ROBO2: variants seen among roughly 807,000 people sequenced by gnomAD.
The protein encoded by ROBO2 is roundabout homolog 2.
ROBO2 carries 53 observed loss-of-function variants against 160.8 expected under a neutral mutation model. The observed-to-expected ratio is 0.33, with a 90% confidence interval of 0.26 to 0.41. ROBO2 has a LOEUF of 0.41. Ranked by LOEUF, ROBO2 falls within the 10% of genes least tolerant of loss-of-function variation. ROBO2 has a pLI of 1.00. For synonymous variants in ROBO2, 664 were observed against 611.7 expected (o/e 1.09, Z -1.26); for missense variants, 1,577 against 1,722.4 (o/e 0.92, Z 1.49).
chr3:77,510,508 G>A (rs2089257626), intron 5 of ROBO2, among the ~76,000 whole-genome samples: 1 of 152,014 alleles, frequency 6.6e-6, no homozygotes, highest in Non-Finnish European at 1.5e-5. Flanking sequence ...AAGAGAGATG[G>A]AGACAATAAT....
intron 2 of ROBO2, among the ~76,000 whole-genome samples, chr3:75,977,589 T>C (rs2065165088): frequency 6.6e-6 from 1 of 151,506 alleles, no homozygotes; most frequent in African/African-American, 2.4e-5. Context: ...TCTTAAAATA[T>C]AAGGATATGA....
chr3:76,274,454 T>G (rs186478421), intron 2 of ROBO2, among the ~76,000 whole-genome samples: 57 of 152,260 alleles, frequency 3.7e-4, no homozygotes, highest in Admixed American at 7.9e-4. Flanking sequence ...TGCTGTGTAG[T>G]TTATAAACTA....
intron 2 of ROBO2, among the ~76,000 whole-genome samples, chr3:77,126,444 G>A (rs960983251): frequency 2.6e-5 from 4 of 152,008 alleles, no homozygotes; most frequent in Non-Finnish European, 5.9e-5. Flanking sequence ...CCAAATACTG[G>A]ATTAAAAAGA....
intron 2 of ROBO2, among the ~76,000 whole-genome samples, chr3:76,446,949 C>T (rs2077213790): frequency 6.6e-6 from 1 of 152,116 alleles, no homozygotes; most frequent in South Asian, 2.1e-4. Flanking sequence ...TAGAAGAAAA[C>T]CTAGGCAATA....
intron 2 of ROBO2, among the ~76,000 whole-genome samples, chr3:77,099,076 T>C (rs2071535638): frequency 7.7e-6 from 1 of 129,472 alleles, no homozygotes; most frequent in Non-Finnish European, 1.7e-5. Context: ...TCTTTCTTTT[T>C]TTTTTTTTTT....
intron 2 of ROBO2, among the ~76,000 whole-genome samples, chr3:76,272,914 T>TAAATATATAATATATATTTATATA (rs1559706244): frequency 1.9e-3 from 36 of 19,046 alleles, no homozygotes; most frequent in Admixed American, 5.6e-3. Flanking sequence ...TATTTATATA[T>TAAATATATAATATATATTTATATA]AAAATATATA....
intron 2 of ROBO2, among the ~76,000 whole-genome samples, chr3:76,520,920 C>T (rs1259590591): frequency 6.6e-6 from 1 of 151,962 alleles, no homozygotes; most frequent in African/African-American, 2.4e-5. Flanking sequence ...AGAGTGAGTT[C>T]CCAGTATACT....
chr3:76,604,079 A>G (rs2087453101), intron 2 of ROBO2, among the ~76,000 whole-genome samples: 2 of 152,170 alleles, frequency 1.3e-5, no homozygotes, highest in African/African-American at 4.8e-5. Context: ...ATGAGTAGAT[A>G]CTAAGTTCTG....
At chr3:77,518,561 A>G (rs2090265452) in intron 5 of ROBO2, among the ~76,000 whole-genome samples, 1 of 151,364 alleles carries the variant, frequency 6.6e-6, no homozygotes, top group Non-Finnish European at 1.5e-5. Flanking sequence ...GGCCCTGGGA[A>G]ATGTGTGTTA....
At chr3:76,395,236 T>C (rs1326479313) in intron 2 of ROBO2, among the ~76,000 whole-genome samples, 11 of 149,790 alleles carry the variant, frequency 7.3e-5, no homozygotes, top group Admixed American at 4.7e-4. Context: ...ACTGGGTACA[T>C]AACGAAATGA....
At chr3:77,644,357 C>A (rs999839213) in intron 24 of ROBO2, among the ~76,000 whole-genome samples, 3 of 152,146 alleles carry the variant, frequency 2.0e-5, no homozygotes, top group Admixed American at 6.5e-5. Flanking sequence ...AAATTGGAGC[C>A]TCATTGAACT....
At chr3:76,407,112 T>G (rs1309800067) in intron 2 of ROBO2, among the ~76,000 whole-genome samples, 1 of 151,786 alleles carries the variant, frequency 6.6e-6, no homozygotes, top group Non-Finnish European at 1.5e-5. Context: ...AGTAGGATTT[T>G]GCTCTAGCAA....
At chr3:76,059,830 G>T (rs2068005492) in intron 2 of ROBO2, among the ~76,000 whole-genome samples, 1 of 152,130 alleles carries the variant, frequency 6.6e-6, no homozygotes, top group Non-Finnish European at 1.5e-5. Context: ...TTTTGTATAA[G>T]GTGTGAGGAA....
chr3:76,346,333 C>T (rs1237985494), intron 2 of ROBO2, among the ~76,000 whole-genome samples: 1 of 151,702 alleles, frequency 6.6e-6, no homozygotes, highest in Non-Finnish European at 1.5e-5. Flanking sequence ...CTGCAAGCTC[C>T]GCCTGGCAAC....
intron 2 of ROBO2, among the ~76,000 whole-genome samples, chr3:77,447,378 C>A (rs952800282): frequency 6.6e-6 from 1 of 152,016 alleles, no homozygotes; most frequent in Non-Finnish European, 1.5e-5. Context: ...TGATGAGGTT[C>A]TTCTTCAGTA....
At chr3:76,426,538 A>T (rs1001265865) in intron 2 of ROBO2, among the ~76,000 whole-genome samples, 2 of 152,188 alleles carry the variant, frequency 1.3e-5, no homozygotes, top group African/African-American at 2.4e-5. Context: ...ACAGAATTTC[A>T]TTCAAGTGCT....
At chr3:77,116,985 C>T (rs1321251465) in intron 2 of ROBO2, among the ~76,000 whole-genome samples, 1 of 152,142 alleles carries the variant, frequency 6.6e-6, no homozygotes, top group Non-Finnish European at 1.5e-5. Flanking sequence ...TGTGATCACA[C>T]AGCTGAATAT....
At chr3:76,599,385 C>G (rs2086954678) in intron 2 of ROBO2, among the ~76,000 whole-genome samples, 1 of 152,150 alleles carries the variant, frequency 6.6e-6, no homozygotes, top group African/African-American at 2.4e-5. Flanking sequence ...CCATTCATGT[C>G]CCTGCAAAGG....
At chr3:76,613,609 T>C (rs977691129) in intron 2 of ROBO2, among the ~76,000 whole-genome samples, 14 of 151,934 alleles carry the variant, frequency 9.2e-5, no homozygotes, top group Non-Finnish European at 1.9e-4. Context: ...GTAATGTTCA[T>C]CATGTTATCT....
Sources: gnomAD v4.1 joint callset for allele counts (sites outside exome capture counted in the v4.1 genomes callset) on GRCh38, gnomAD v4.1.1 for gene constraint, MANE v1.5 for transcripts, NCBI Gene and HGNC (gene_info 2026-07-23, HGNC 2026-07-21) for gene names.